The following FLT1 variants were observed in gnomAD, a reference collection of about 807,000 sequenced individuals.
The protein encoded by FLT1 is vascular endothelial growth factor receptor 1.
FLT1 carries 49 observed loss-of-function variants against 156.3 expected under a neutral mutation model. That is an observed-to-expected ratio of 0.31 (90% CI 0.25 to 0.40). The LOEUF is 0.40. FLT1 is among the 10% of genes least tolerant of loss of function. FLT1 has a pLI of 1.00. For missense variants in FLT1, 1,322 were observed against 1,637.2 expected, an observed-to-expected ratio of 0.81 and a Z score of 3.32; for synonymous variants, 594 against 583.8, an observed-to-expected ratio of 1.02 and a Z score of -0.25.
chr13:28,311,532 T>C (rs1253308119), intron 27 of FLT1, 58 bp downstream of exon 27: 2 of 1,380,272 alleles, frequency 1.4e-6, no homozygotes, highest in Non-Finnish European at 2.0e-6. Context: ...TCGTCTTTCT[T>C]TCCTTCTTTT....
rs1169072431 is a variant in FLT1, at chr13:28,372,048, GTA to G, written c.2116+12835_2116+12836del. Among the ~76,000 whole-genome samples, 148 of 75,496 alleles carry G rather than the reference GTA, an allele frequency of 2.0e-3. 2 individuals carry two copies. Among genetic ancestry groups the G allele is most frequent in the African/African-American group, 4.7e-3 (75 of 15,872 alleles). The allele number at this position is 75,496 out of a possible 152,430, so 49.5% of individuals were successfully genotyped here. On this transcript the variant is annotated intron_variant, in intron 14 of 29. Coordinates refer to ENST00000282397, the MANE Select transcript of FLT1 (RefSeq NM_002019.4). ...TGTGTGTGTGTGTGTGTGTGTGTGT[GTA>G]TATATATATATATATATATATATAT...
rs760994884 is a variant in FLT1, at chr13:28,303,210, G to C, written c.3974C>G (p.Pro1325Arg). 6.2e-7 allele frequency: 1 copy of C among 1,613,142 alleles called. No homozygotes were observed. Among genetic ancestry groups the C allele is most frequent in the Non-Finnish European group, 8.5e-7 (1 of 1,180,002 alleles). ...GTACAGGACCACCGAGTTGTAGTCT[G>C]GGGGCGGGGAGCAGCACGCGATTTT... ...ERKIACCSPP[P>R]DYNSVVLYST... Residue 1325 changes from proline to arginine, a missense_variant, in exon 30 of 30, where the codon CCA becomes CGA. By Grantham distance (103) the Pro-to-Arg change is moderately radical (BLOSUM62 -2). This residue lies in a region of FLT1 where 329 missense variants were observed against 366.2 expected (regional missense o/e 0.90). Coordinates refer to ENST00000282397, the MANE Select transcript of FLT1 (RefSeq NM_002019.4).
intron 1 of FLT1, among the ~76,000 whole-genome samples, chr13:28,488,882 C>G (rs1222763345): frequency 1.3e-5 from 2 of 152,224 alleles, no homozygotes; most frequent in African/African-American, 4.8e-5. Flanking sequence ...CTCAGCCCAG[C>G]ACCCAAGGAC....
At chr13:28,424,073 G>C (rs1459518724) in intron 10 of FLT1, among the ~76,000 whole-genome samples, 1 of 151,758 alleles carries the variant, frequency 6.6e-6, no homozygotes, top group Non-Finnish European at 1.5e-5. Flanking sequence ...TGAGCAGCTG[G>C]AATTATAGGT....
At chr13:28,365,503 C>T (rs1263721493) in intron 14 of FLT1, among the ~76,000 whole-genome samples, 2 of 152,164 alleles carry the variant, frequency 1.3e-5, no homozygotes, top group African/African-American at 4.8e-5. Context: ...AGGTGTGCAC[C>T]ACCAAGCCTG....
chr13:28,315,639 T>G (rs1028067928), intron 25 of FLT1, among the ~76,000 whole-genome samples: 6 of 152,240 alleles, frequency 3.9e-5, no homozygotes, highest in African/African-American at 1.4e-4. Context: ...CTTAATTTCA[T>G]ACTGTTTTGC....
chr13:28,443,384 C>T (rs940098558), intron 3 of FLT1, among the ~76,000 whole-genome samples: 5 of 152,192 alleles, frequency 3.3e-5, no homozygotes, highest in African/African-American at 1.2e-4. Context: ...TGCATGTTAT[C>T]CTCAATGGAT....
Position 28,303,498 on chromosome 13 carries a change from C to A in FLT1, c.3816-130G>T, listed in dbSNP as rs61763571. 2.8e-3 allele frequency: 2,200 copies of A among 797,790 alleles called. 29 individuals are homozygous for A. In the African/African-American group the frequency reaches 0.034, roughly 12 times the overall value. 49.4% of individuals were successfully genotyped at this position (797,790 alleles called of 1,614,324 possible). A position where few individuals can be genotyped will look rare whatever the true frequency, so the allele number is the denominator to read the frequency against. The stretch of plus-strand genomic sequence containing the variant: ...TAGAGTTCATGGTTTTGGAACCCCC[C>A]CCCCCTCAATTGCTGTCAGATTTCC... On this transcript the variant is annotated intron_variant, in intron 29 of 29. Transcript: ENST00000282397.
At chr13:28,422,842 A>G (rs1877090099) in intron 10 of FLT1, among the ~76,000 whole-genome samples, 1 of 152,208 alleles carries the variant, frequency 6.6e-6, no homozygotes, top group Non-Finnish European at 1.5e-5. Flanking sequence ...CAAACTGATT[A>G]TGCCAAGACT....
At chr13:28,350,859 C>T (rs531373903) in intron 15 of FLT1, among the ~76,000 whole-genome samples, 1 of 152,002 alleles carries the variant, frequency 6.6e-6, no homozygotes, top group South Asian at 2.1e-4. Context: ...TTGAAGCCTG[C>T]TTGCCTGCCT....
At chr13:28,311,919 T>A (rs1220712332) in intron 26 of FLT1, 74 bp downstream of exon 26, 4 of 1,043,770 alleles carry the variant, frequency 3.8e-6, no homozygotes, top group Non-Finnish European at 5.6e-6. Flanking sequence ...TAATAGCTCT[T>A]AAAAAAAAAA....
intron 12 of FLT1, among the ~76,000 whole-genome samples, chr13:28,396,136 C>A (rs1875029362): frequency 6.6e-6 from 1 of 152,228 alleles, no homozygotes; most frequent in Admixed American, 6.5e-5. Flanking sequence ...TTCTCTGGGG[C>A]TTGGCTAACT....
At chr13:28,334,290 C>G (rs967686819) in intron 17 of FLT1, among the ~76,000 whole-genome samples, 161 bp from the exon 18 acceptor site, 1 of 152,212 alleles carries the variant, frequency 6.6e-6, no homozygotes, top group Non-Finnish European at 1.5e-5. Flanking sequence ...TTTCTGGAGT[C>G]TCTTCCTTTC....
rs1028797083 is a variant in FLT1, at chr13:28,421,912, C to T, written c.1436+5247G>A. Among the ~76,000 whole-genome samples the T allele has an allele frequency of 3.3e-5, 5 of 152,232 alleles. No homozygotes were observed. In the East Asian group the frequency reaches 9.6e-4, roughly 29 times the overall value. ...GATTAAAGAACTGGCCAAGGTCACA[C>T]AGAAGTCAGGGACGGTGCCAAGAAT... On this transcript the variant is annotated intron_variant, in intron 10 of 29. Coordinates refer to ENST00000282397, the MANE Select transcript of FLT1 (RefSeq NM_002019.4).
intron 15 of FLT1, among the ~76,000 whole-genome samples, chr13:28,356,601 T>C (rs897366973): frequency 8.5e-5 from 13 of 152,172 alleles, no homozygotes; most frequent in Non-Finnish European, 1.9e-4. Flanking sequence ...TGTTCTGTTT[T>C]AAAGGGGTTT....
chr13:28,358,501 A>T (rs1872988150), intron 14 of FLT1, among the ~76,000 whole-genome samples: 1 of 152,238 alleles, frequency 6.6e-6, no homozygotes, highest in African/African-American at 2.4e-5. Flanking sequence ...TACAGAGCAC[A>T]GTGTAGTGGA....
intron 6 of FLT1, among the ~76,000 whole-genome samples, chr13:28,432,036 G>A (rs7359013): frequency 6.6e-6 from 1 of 152,252 alleles, no homozygotes; most frequent in Admixed American, 6.5e-5. Flanking sequence ...ATTAGCCTTA[G>A]GCTCTGCAAT....
At chr13:28,417,453 G>A (rs1402621958) in intron 10 of FLT1, among the ~76,000 whole-genome samples, 1 of 152,038 alleles carries the variant, frequency 6.6e-6, no homozygotes, top group African/African-American at 2.4e-5. Flanking sequence ...ACCACCCATG[G>A]TCGGCTCGTT....
intron 1 of FLT1, among the ~76,000 whole-genome samples, chr13:28,483,871 T>C (rs1422135438): frequency 6.6e-6 from 1 of 152,252 alleles, no homozygotes. Flanking sequence ...CTTTTTTCTT[T>C]AATTCCTAGA....
Sources: gnomAD v4.1 joint callset for allele counts (sites outside exome capture counted in the v4.1 genomes callset) on GRCh38, gnomAD v4.1.1 for gene constraint, gnomAD v4.1.1 regional missense constraint, MANE v1.5 for transcripts, NCBI Gene and HGNC (gene_info 2026-07-23, HGNC 2026-07-21) for gene names.